The following SGCD variants were observed in gnomAD, a reference collection of about 807,000 sequenced individuals.
SGCD encodes the protein sarcoglycan delta.
A neutral mutation model predicts 36.6 loss-of-function variants in SGCD; 18 were observed. The observed-to-expected ratio is 0.49, with a 90% CI of 0.34 to 0.73. The LOEUF is 0.73. SGCD is among the 30% of genes least tolerant of loss of function. The probability of loss-of-function intolerance (pLI) is 0.01; values close to 1 mark genes in which losing one functional copy is unlikely to be tolerated. For missense variants in SGCD, 387 were observed against 346.7 expected (o/e 1.12, Z -0.92); for synonymous variants, 133 against 130.6 (o/e 1.02, Z -0.12).
At chr5:156,697,225 TG>T (rs768875238) in intron 7 of SGCD, among the ~76,000 whole-genome samples, 8 of 152,176 alleles carry the variant, frequency 5.3e-5, no homozygotes, top group Non-Finnish European at 8.8e-5. Flanking sequence ...ACACTTTACA[TG>T]GGCAAATTAT....
At chr5:156,727,679 G>A (rs1029773995) in intron 7 of SGCD, among the ~76,000 whole-genome samples, 5 of 126,724 alleles carry the variant, frequency 3.9e-5, no homozygotes, top group African/African-American at 1.3e-4. Context: ...GTTTTTTTCT[G>A]TCTATCTTGG....
intron 3 of SGCD, among the ~76,000 whole-genome samples, chr5:156,164,509 T>A (rs1763167065): frequency 6.6e-6 from 1 of 152,210 alleles, no homozygotes; most frequent in Non-Finnish European, 1.5e-5. Context: ...TGAGGGGGCT[T>A]GCATTCCTGT....
At chr5:156,753,216 T>C (rs1303147253) in intron 7 of SGCD, among the ~76,000 whole-genome samples, 1 of 152,228 alleles carries the variant, frequency 6.6e-6, no homozygotes, top group Non-Finnish European at 1.5e-5. Flanking sequence ...CTTGAAGATA[T>C]GGCACAGCCT....
intron 7 of SGCD, among the ~76,000 whole-genome samples, chr5:156,651,934 G>A (rs1003804195): frequency 6.6e-6 from 1 of 151,788 alleles, no homozygotes; most frequent in African/African-American, 2.4e-5. Flanking sequence ...CCCATTTGTT[G>A]TGTCAACTAT....
intron 5 of SGCD, among the ~76,000 whole-genome samples, chr5:156,591,232 G>A (rs1041345813): frequency 5.3e-5 from 8 of 152,248 alleles, no homozygotes; most frequent in African/African-American, 1.9e-4. Context: ...TGTCTTCTAA[G>A]CAATGAGGTC....
intron 3 of SGCD, among the ~76,000 whole-genome samples, chr5:156,389,382 G>A (rs1360306120): frequency 6.6e-6 from 1 of 152,156 alleles, no homozygotes; most frequent in African/African-American, 2.4e-5. Flanking sequence ...GCCTACCCCA[G>A]ACACTTGGTA....
intron 1 of SGCD, among the ~76,000 whole-genome samples, chr5:155,910,649 T>TTGGGTACACTCTTGCCTCC (rs1261511387): frequency 3.3e-5 from 5 of 152,198 alleles, no homozygotes; most frequent in Admixed American, 3.3e-4. Flanking sequence ...GCCTAAAAGA[T>TTGGGTACACTCTTGCCTCC]TGGGTACACT....
chr5:156,501,744 C>CTA (rs1406859890), intron 3 of SGCD, among the ~76,000 whole-genome samples: 1 of 152,178 alleles, frequency 6.6e-6, no homozygotes, highest in African/African-American at 2.4e-5. Flanking sequence ...GTACCGCACC[C>CTA]TGTATGGGAA....
At chr5:156,543,318 TAAAG>T (rs895373463) in intron 4 of SGCD, among the ~76,000 whole-genome samples, 1 of 152,174 alleles carries the variant, frequency 6.6e-6, no homozygotes, top group Non-Finnish European at 1.5e-5. Context: ...CTGATCTAGA[TAAAG>T]AAAGGGTTCA....
At chr5:156,281,984 T>C (rs1004257334) in intron 3 of SGCD, among the ~76,000 whole-genome samples, 2 of 151,918 alleles carry the variant, frequency 1.3e-5, no homozygotes, top group Non-Finnish European at 2.9e-5. Flanking sequence ...TGAGCCAAGA[T>C]CGCGCCACTG....
At chr5:155,762,255 C>G in the SGCD span, among the ~76,000 whole-genome samples, 1 of 152,072 alleles carries the variant, frequency 6.6e-6, no homozygotes. Context: ...CCAGCTTGAG[C>G]ATGTTCAGAC....
chr5:155,733,991 A>G, the SGCD span, among the ~76,000 whole-genome samples: 10 of 151,564 alleles, frequency 6.6e-5, no homozygotes, highest in Middle Eastern at 3.4e-3. Context: ...CATTTAACCC[A>G]GGAGCTGATG....
At chr5:156,430,732 C>T (rs972906502) in intron 3 of SGCD, among the ~76,000 whole-genome samples, 4 of 151,746 alleles carry the variant, frequency 2.6e-5, no homozygotes, top group Admixed American at 1.3e-4. Flanking sequence ...ATTTGTGGTG[C>T]CTTTAGGAGT....
chr5:156,029,892 T>C (rs1759306737), intron 1 of SGCD, among the ~76,000 whole-genome samples: 1 of 152,186 alleles, frequency 6.6e-6, no homozygotes, highest in Non-Finnish European at 1.5e-5. Flanking sequence ...CTCTTTTCTC[T>C]CTGTCTCCAA....
intron 1 of SGCD, among the ~76,000 whole-genome samples, chr5:155,883,706 C>T (rs2113300137): frequency 7.2e-6 from 1 of 138,178 alleles, no homozygotes; most frequent in Admixed American, 7.9e-5. Flanking sequence ...CAATATGTGA[C>T]ACAGATAAAT....
intron 1 of SGCD, among the ~76,000 whole-genome samples, chr5:155,928,739 A>T (rs909051609): frequency 1.3e-5 from 2 of 151,336 alleles, no homozygotes; most frequent in South Asian, 4.2e-4. Context: ...TGCCTTTAGG[A>T]TCTCACATTC....
chr5:156,606,829 C>T (rs1761482322), intron 6 of SGCD, among the ~76,000 whole-genome samples: 1 of 152,188 alleles, frequency 6.6e-6, no homozygotes, highest in Non-Finnish European at 1.5e-5. Flanking sequence ...GAAGTTCACT[C>T]ATGATTTGGC....
intron 7 of SGCD, among the ~76,000 whole-genome samples, chr5:156,683,689 A>G (rs1022782045): frequency 6.6e-6 from 1 of 152,214 alleles, no homozygotes; most frequent in Non-Finnish European, 1.5e-5. Flanking sequence ...TTGCATTTGC[A>G]TAGACCTGAG....
intron 6 of SGCD, among the ~76,000 whole-genome samples, chr5:156,619,239 A>G (rs1762148575): frequency 6.6e-6 from 1 of 151,988 alleles, no homozygotes; most frequent in South Asian, 2.1e-4. Context: ...GTTAACCAGG[A>G]TGGTCTCCAT....
Sources: gnomAD v4.1 joint callset for allele counts (sites outside exome capture counted in the v4.1 genomes callset) on GRCh38, gnomAD v4.1.1 for gene constraint, MANE v1.5 for transcripts, NCBI Gene and HGNC (gene_info 2026-07-23, HGNC 2026-07-21) for gene names.